RIF1: variants seen among roughly 807,000 people sequenced by gnomAD.
RIF1 encodes the protein replication timing regulatory factor 1, also known as telomere-associated protein RIF1.
RIF1 carries 45 observed loss-of-function variants against 247.1 expected under a neutral mutation model. That is an observed-to-expected ratio of 0.18 (90% CI 0.14 to 0.23). The LOEUF (loss-of-function observed/expected upper bound fraction) is 0.23, where lower values mean the gene tolerates loss of function less well. Among genes scored for constraint, RIF1 ranks in the 10% least tolerant of loss-of-function variants. The probability of loss-of-function intolerance (pLI) is 1.00; values close to 1 mark genes in which losing one functional copy is unlikely to be tolerated. For synonymous variants in RIF1, 1,087 were observed against 978.8 expected, an observed-to-expected ratio of 1.11 and a Z score of -2.06; for missense variants, 2,967 against 2,862.5, an observed-to-expected ratio of 1.04 and a Z score of -0.83.
chr2:151,468,366 A>T, intron 31 of RIF1, 108 bp from the exon 32 acceptor site: 1 of 984,310 alleles, frequency 1.0e-6, no homozygotes. Flanking sequence ...TACTCTTTTT[A>T]TGTTTTTTGA....
chr2:151,496,506 C>T, intron 10 of RIF1: 2 of 1,441,842 alleles, frequency 1.4e-6, no homozygotes, highest in Non-Finnish European at 1.9e-6. Context: ...TGACAAAATG[C>T]CACCAGCTAC....
At chr2:151,514,356 T>A in the RIF1 span, 12 of 1,613,878 alleles carry the variant, frequency 7.4e-6, no homozygotes, top group Non-Finnish European at 1.0e-5. Flanking sequence ...GCTCTTAGCA[T>A]GTCAGGTGTA....
chr2:151,452,937 A>G (rs1001738264), intron 21 of RIF1, among the ~76,000 whole-genome samples: 20 of 152,188 alleles, frequency 1.3e-4, no homozygotes, highest in African/African-American at 4.6e-4. Context: ...CTCTTGCTGT[A>G]AAATTTGGGT....
chr2:151,482,251 G>C (rs374141866), downstream of RIF1: 264 of 152,268 alleles, frequency 1.7e-3, no homozygotes, highest in African/African-American at 5.8e-3. Context: ...AGTATGAATA[G>C]TTTAATTCAA....
At chr2:151,434,587 C>A (rs1007920756) in intron 10 of RIF1, among the ~76,000 whole-genome samples, 2 of 151,766 alleles carry the variant, frequency 1.3e-5, no homozygotes. Context: ...ACTACAGGCG[C>A]CCGCCACCAC....
the RIF1 span, chr2:151,524,362 G>A: frequency 5.5e-5 from 89 of 1,613,772 alleles, no homozygotes; most frequent in East Asian, 1.6e-4. Context: ...CTGGGCGACC[G>A]AGCATGCTTA....
chr2:151,516,103 T>A, the RIF1 span, among the ~76,000 whole-genome samples: 2 of 152,222 alleles, frequency 1.3e-5, no homozygotes, highest in Non-Finnish European at 2.9e-5. Context: ...GGCATTCTAC[T>A]AAGAGTAGAG....
rs201820996 is a variant in RIF1, at chr2:151,436,631, GTAT to G, written c.1196-191_1196-189del. ...CATATGATATACATGTGTGTCATAT[GTAT>G]TATTTTGTTTGCCATCTGAGTCTTC... On this transcript the variant is annotated intron_variant, in intron 11 of 35. Coordinates refer to ENST00000444746, the MANE Select transcript of RIF1 (RefSeq NM_018151.5). Among the ~76,000 whole-genome samples, 1,511 of 151,704 alleles carry G rather than the reference GTAT, an allele frequency of 1.0e-2. 18 individuals carry two copies. Among genetic ancestry groups the G allele is most frequent in the Middle Eastern group, 0.049 (14 of 286 alleles).
rs541150645 is a variant in RIF1 at position 151,480,043 on chromosome 2, T to G, written c.*4972T>G. On this transcript the variant is annotated 3_prime_UTR_variant, in exon 36 of 36. Transcript: ENST00000444746. ...TGTGAGAATTTACTCAGTTCTGAAATAGAATGTTAAATTTTCCGATGTGGT... is the reference window on the plus strand; with the variant it reads ...TGTGAGAATTTACTCAGTTCTGAAAGAGAATGTTAAATTTTCCGATGTGGT... 9 of 152,204 alleles carry G rather than the reference T, an allele frequency of 5.9e-5. No individual in the cohort carries two copies. Among genetic ancestry groups the G allele is most frequent in the Non-Finnish European group, 1.2e-4 (8 of 68,018 alleles). The allele number at this position is 152,204 out of a possible 1,614,324, so 9.4% of individuals were successfully genotyped here.
At chr2:151,492,114 A>C in intron 9 of RIF1, 1 of 1,613,754 alleles carries the variant, frequency 6.2e-7, no homozygotes, top group Non-Finnish European at 8.5e-7. Flanking sequence ...TAGTCTCCTG[A>C]TCTTGGTCAT....
the RIF1 span, chr2:151,519,123 C>CT: frequency 8.7e-7 from 1 of 1,155,814 alleles, no homozygotes; most frequent in African/African-American, 1.5e-5. Context: ...TGGAACAGCA[C>CT]TAATGGAAAT....
chr2:151,468,446 G>GT (rs1363111394), intron 31 of RIF1, 28 bp from the exon 32 acceptor site: 22 of 1,558,872 alleles, frequency 1.4e-5, no homozygotes, highest in Admixed American at 5.0e-5. Flanking sequence ...GGTTCTGAGT[G>GT]TTTTTTTCTC....
At chr2:151,524,063 AG>A in the RIF1 span, among the ~76,000 whole-genome samples, 2 of 152,186 alleles carry the variant, frequency 1.3e-5, no homozygotes, top group Non-Finnish European at 2.9e-5. Flanking sequence ...TGTCACATAA[AG>A]ATAGTTAAGC....
chr2:151,411,122 C>G (rs1256965500), intron 2 of RIF1, 138 bp from the exon 3 acceptor site: 4 of 622,354 alleles, frequency 6.4e-6, no homozygotes, highest in Non-Finnish European at 1.2e-5. Context: ...TCTGTATACC[C>G]TTAAGGACCT....
chr2:151,505,375 G>T, intron 12 of RIF1: 1 of 1,010,322 alleles, frequency 9.9e-7, no homozygotes, highest in Non-Finnish European at 1.5e-6. Flanking sequence ...ACATCCCCAA[G>T]GCATGGAAGC....
In RIF1 at chr2:151,481,636, G is replaced by A. The variant is rs937282770; in HGVS notation, c.*6565G>A. On this transcript the variant is annotated 3_prime_UTR_variant, in exon 36 of 36. Transcript: ENST00000444746. ...TTGATAAGTCTTAAAAATGATTTAA[G>A]TTGAAGCCTAACAGAAGTACTTGTT... 2 of 152,228 alleles carry A rather than the reference G, an allele frequency of 1.3e-5. No homozygotes were observed. Among genetic ancestry groups the A allele is most frequent in the Non-Finnish European group, 2.9e-5 (2 of 68,040 alleles). 9.4% of individuals were successfully genotyped at this position (152,228 alleles called of 1,614,324 possible). A position where few individuals can be genotyped will look rare whatever the true frequency, so the allele number is the denominator to read the frequency against.
rs543936798 is a variant in RIF1, at chr2:151,446,004, G to T, written c.2095-422G>T. ...GATGTGGGGGAAAGGTTATTACCCT[G>T]TGTTAGTCTCTTTTTTATTTTGAGA... On this transcript the variant is annotated intron_variant, in intron 19 of 35. Coordinates refer to ENST00000444746, the MANE Select transcript of RIF1 (RefSeq NM_018151.5). 6.6e-5 allele frequency among the ~76,000 whole-genome samples: 10 copies of T among 152,208 alleles called. No individual in the cohort carries two copies. The South Asian group carries it at 1.7e-3, about 25-fold the overall frequency.
rs1178017263 is a variant in RIF1 at position 151,468,094 on chromosome 2, A to G, written c.6695A>G (p.Asn2232Ser). The G allele has an allele frequency of 1.4e-5, 23 of 1,613,664 alleles. No homozygotes were observed. The highest frequency in any genetic ancestry group is 9.9e-5 in the South Asian group (9 of 91,074). Residue 2232 changes from asparagine to serine, a missense_variant, in exon 31 of 36, where the codon AAT becomes AGT. Physicochemically the swap from Asn to Ser is conservative, Grantham distance 46. Around this residue, in one of 7 missense-constraint regions of RIF1, gnomAD observed 2,028 missense variants for 1,825.6 expected, o/e 1.11. Coordinates refer to ENST00000444746, the MANE Select transcript of RIF1 (RefSeq NM_018151.5). ...TCTATTGTTAGGTCCCATTCTTCCA[A>G]TAGTTCTCCCATAGGAAAAAGTGTT... The part of the protein sequence containing the change: ...RCSIVRSHSS[N>S]SSPIGKSVKT...
the RIF1 span, chr2:151,515,024 G>A: frequency 6.9e-6 from 5 of 728,250 alleles, no homozygotes; most frequent in Admixed American, 1.0e-4. Flanking sequence ...CATTTTCTAT[G>A]TATGGGCTCT....
Sources: allele counts gnomAD v4.1 joint callset (sites outside exome capture counted in the v4.1 genomes callset), GRCh38; gene constraint gnomAD v4.1.1; regional missense constraint gnomAD v4.1.1; transcripts MANE v1.5; gene names NCBI Gene and HGNC (gene_info 2026-07-23, HGNC 2026-07-21).